MANBA: variants seen among roughly 807,000 people sequenced by gnomAD.
MANBA encodes beta-mannosidase.
MANBA carries 83 observed loss-of-function variants against 111.1 expected under a neutral mutation model. That is an observed-to-expected ratio of 0.75 (90% CI 0.63 to 0.90). The LOEUF (loss-of-function observed/expected upper bound fraction) is 0.90. Among genes scored for constraint, MANBA ranks in the 40% least tolerant of loss-of-function variants. The pLI, the probability that MANBA is intolerant of heterozygous loss-of-function variation, is 0.00. For synonymous variants in MANBA, 370 were observed against 378.7 expected (o/e 0.98, Z 0.27); for missense variants, 1,036 against 1,069.0 (o/e 0.97, Z 0.43).
intron 14 of MANBA, among the ~76,000 whole-genome samples, chr4:102,637,607 A>T (rs995662924): frequency 1.3e-5 from 2 of 152,212 alleles, no homozygotes; most frequent in African/African-American, 4.8e-5. Context: ...GAACTTCCAC[A>T]TAGCTGACCA....
chr4:102,669,542 A>G (rs933170997), intron 9 of MANBA, among the ~76,000 whole-genome samples: 2 of 152,216 alleles, frequency 1.3e-5, no homozygotes, highest in Non-Finnish European at 2.9e-5. Context: ...GTGTGATGCA[A>G]TGGTTAAGAA....
Position 102,726,647 on chromosome 4 carries a change from A to G in MANBA, c.214T>C (p.Trp72Arg), listed in dbSNP as rs752350414. The part of the protein sequence containing the change: ...YYRFNDLNYR[W>R]VSLDNWTYSK... ...TAGGTCCAGTTATCCAAAGAGACCC[A>G]TCTGTAGTTAAGGTCATTAAATCTG... is the stretch of plus-strand genomic sequence containing the variant. Residue 72 changes from tryptophan to arginine, a missense_variant, in exon 2 of 17, where the codon TGG becomes CGG. Transcript: ENST00000647097. 10 of 1,574,340 alleles carry G rather than the reference A, an allele frequency of 6.4e-6. No individual in the cohort carries two copies. The highest frequency in any genetic ancestry group is 1.7e-6 in the Non-Finnish European group (2 of 1,144,514).
At chr4:102,722,785 G>T in intron 4 of MANBA, 86 bp downstream of exon 4, 1 of 1,359,286 alleles carries the variant, frequency 7.4e-7, no homozygotes, top group Non-Finnish European at 1.1e-6. Context: ...CTTCTGAAAT[G>T]CCATGGGAGT....
rs1048782941 is a variant in MANBA at position 102,685,791 on chromosome 4, G to T, written c.960+3783C>A. Among the ~76,000 whole-genome samples, 7 of 152,052 alleles carry T rather than the reference G, an allele frequency of 4.6e-5. No homozygotes were observed. In the East Asian group the frequency reaches 9.6e-4, roughly 21 times the overall value. On this transcript the variant is annotated intron_variant, in intron 7 of 16. Transcript: ENST00000647097. Reference sequence around the variant, plus strand: ...AGAATCCAGAGACCCCCCCATTCAAGTTTTCATCAGTTGCCCCAATAACAT... The same window carrying T: ...AGAATCCAGAGACCCCCCCATTCAATTTTTCATCAGTTGCCCCAATAACAT...
chr4:102,639,056 AT>A (rs935079065), intron 14 of MANBA, among the ~76,000 whole-genome samples: 8 of 151,954 alleles, frequency 5.3e-5, no homozygotes, highest in Non-Finnish European at 7.4e-5. Context: ...TTATTCCTTA[AT>A]TTTTTTTAAT....
At chr4:102,681,847 T>G (rs541061546) in intron 7 of MANBA, among the ~76,000 whole-genome samples, 3 of 152,110 alleles carry the variant, frequency 2.0e-5, no homozygotes, top group African/African-American at 7.2e-5. Flanking sequence ...AATGACTGTA[T>G]AACTAAGAGT....
intron 5 of MANBA, among the ~76,000 whole-genome samples, chr4:102,711,158 G>T (rs1247430349): frequency 6.6e-6 from 1 of 152,150 alleles, no homozygotes; most frequent in Non-Finnish European, 1.5e-5. Context: ...AGCAAAGGAA[G>T]CATTCAACAG....
intron 10 of MANBA, chr4:102,665,597 T>C (rs1037759826): frequency 1.3e-5 from 2 of 152,290 alleles, no homozygotes; most frequent in Non-Finnish European, 2.9e-5. Context: ...CTGCATAAAC[T>C]GAGCTCATCT....
chr4:102,659,417 A>G (rs1011871979), intron 11 of MANBA, among the ~76,000 whole-genome samples: 7 of 151,638 alleles, frequency 4.6e-5, no homozygotes, highest in African/African-American at 1.7e-4. Flanking sequence ...TTCATATTTC[A>G]TTTCTTGTTT....
chr4:102,695,543 T>A (rs1433169865), intron 5 of MANBA, among the ~76,000 whole-genome samples: 1 of 152,188 alleles, frequency 6.6e-6, no homozygotes, highest in African/African-American at 2.4e-5. Flanking sequence ...GTAATGACTA[T>A]TCTAACTTAC....
At chr4:102,728,273 C>T (rs1354774432) in intron 1 of MANBA, 2 of 536,008 alleles carry the variant, frequency 3.7e-6, no homozygotes, top group Admixed American at 1.9e-5. Context: ...CTGTTCCTTC[C>T]TGTTGCTCTG....
chr4:102,701,217 T>C (rs1733023221), intron 5 of MANBA, among the ~76,000 whole-genome samples: 1 of 151,814 alleles, frequency 6.6e-6, no homozygotes. Context: ...GCTTGGTAGA[T>C]CTTCCTCCAT....
chr4:102,738,485 G>A (rs905160411), intron 1 of MANBA, among the ~76,000 whole-genome samples: 1 of 152,186 alleles, frequency 6.6e-6, no homozygotes, highest in South Asian at 2.1e-4. Context: ...TGGGTGGCTA[G>A]ACTCACAAGG....
intron 1 of MANBA, among the ~76,000 whole-genome samples, chr4:102,741,904 G>A (rs1373153218): frequency 6.6e-6 from 1 of 152,158 alleles, no homozygotes; most frequent in Non-Finnish European, 1.5e-5. Flanking sequence ...ACCTCAGGAG[G>A]TCATGGTTTT....
chr4:102,680,215 C>CA (rs1349970656), intron 7 of MANBA, among the ~76,000 whole-genome samples: 1 of 152,126 alleles, frequency 6.6e-6, no homozygotes, highest in East Asian at 1.9e-4. Context: ...TAGGCTTCAC[C>CA]AAAATTTCTG....
intron 1 of MANBA, among the ~76,000 whole-genome samples, chr4:102,743,228 T>A (rs560558770): frequency 2.4e-4 from 36 of 152,370 alleles, no homozygotes; most frequent in African/African-American, 8.7e-4. Context: ...TTTGTCACAA[T>A]TTTCCAATCA....
intron 1 of MANBA, among the ~76,000 whole-genome samples, chr4:102,759,801 C>T (rs1425116411): frequency 6.6e-6 from 1 of 152,150 alleles, no homozygotes; most frequent in Non-Finnish European, 1.5e-5. Flanking sequence ...GTTGCTGTCA[C>T]CTTCCTAATT....
chr4:102,642,840 C>A (rs1221744033), intron 13 of MANBA, among the ~76,000 whole-genome samples: 1 of 152,140 alleles, frequency 6.6e-6, no homozygotes, highest in African/African-American at 2.4e-5. Flanking sequence ...CAGAAACACA[C>A]CCCAACCCCT....
chr4:102,717,417 G>C (rs968333876), intron 4 of MANBA, among the ~76,000 whole-genome samples: 2 of 150,104 alleles, frequency 1.3e-5, no homozygotes, highest in African/African-American at 4.9e-5. Context: ...CTGTGAGCAG[G>C]CAGGAACTTT....
Sources: allele counts gnomAD v4.1 joint callset (sites outside exome capture counted in the v4.1 genomes callset), GRCh38; gene constraint gnomAD v4.1.1; transcripts MANE v1.5; gene names NCBI Gene and HGNC (gene_info 2026-07-23, HGNC 2026-07-21).